The following RAB38 variants were observed in gnomAD, a reference collection of about 807,000 sequenced individuals.
RAB38 encodes RAB38, member RAS oncogene family, also known as ras-related protein Rab-38.
In RAB38, 15 loss-of-function variants were observed where a neutral mutation model predicts 18.4. The ratio of observed to expected loss-of-function variants is 0.82; its 90% CI spans 0.55 to 1.26. The LOEUF (loss-of-function observed/expected upper bound fraction) is 1.26. Ranked by LOEUF, RAB38 falls within the 50% of genes most tolerant of loss-of-function variation. The pLI is 0.00. For missense variants in RAB38, 294 were observed against 267.4 expected (o/e 1.10, Z -0.69); for synonymous variants, 101 against 104.4 (o/e 0.97, Z 0.20).
chr11:88,058,224 C>T, the RAB38 span, among the ~76,000 whole-genome samples: 1,035 of 152,144 alleles, frequency 6.8e-3, 4 homozygotes, highest in Middle Eastern at 0.017. Context: ...ATACATATGA[C>T]CCACAACAAA....
chr11:87,912,762 CTTTCT>C, the RAB38 span, among the ~76,000 whole-genome samples: 1 of 86,566 alleles, frequency 1.2e-5, no homozygotes, highest in Non-Finnish European at 2.3e-5. Flanking sequence ...AATTTTCTTT[CTTTCT>C]TTTTTTTTTT....
At chr11:88,100,382 G>A in the RAB38 span, among the ~76,000 whole-genome samples, 1 of 151,952 alleles carries the variant, frequency 6.6e-6, no homozygotes, top group Non-Finnish European at 1.5e-5. Flanking sequence ...AAAAGAGGGA[G>A]TGGTGAGATT....
chr11:87,937,870 G>GTTTTTTTTTTTTTTTTTT, the RAB38 span, among the ~76,000 whole-genome samples: 7 of 92,026 alleles, frequency 7.6e-5, no homozygotes, highest in Non-Finnish European at 1.2e-4. Flanking sequence ...TCATTGAAGT[G>GTTTTTTTTTTTTTTTTTT]TTTTTTTTTT....
the RAB38 span, among the ~76,000 whole-genome samples, chr11:88,015,246 A>G: frequency 1.2e-4 from 19 of 152,158 alleles, no homozygotes; most frequent in Non-Finnish European, 2.5e-4. Context: ...TTTCTCTTCT[A>G]TGGTTCTCAA....
chr11:88,087,109 G>A, the RAB38 span, among the ~76,000 whole-genome samples: 1 of 151,810 alleles, frequency 6.6e-6, no homozygotes, highest in South Asian at 2.1e-4. Context: ...CCACTGAAAG[G>A]CATTATACAA....
the RAB38 span, among the ~76,000 whole-genome samples, chr11:88,082,740 C>A: frequency 6.6e-6 from 1 of 151,972 alleles, no homozygotes; most frequent in East Asian, 1.9e-4. Flanking sequence ...ATCTAAGATT[C>A]CAGCATCACT....
the RAB38 span, among the ~76,000 whole-genome samples, chr11:88,075,625 TATC>T: frequency 1.3e-5 from 2 of 152,138 alleles, no homozygotes; most frequent in African/African-American, 4.8e-5. Context: ...TCAAGCCTGT[TATC>T]ATAACACTTT....
the RAB38 span, among the ~76,000 whole-genome samples, chr11:87,937,228 A>G: frequency 6.8e-6 from 1 of 147,796 alleles, no homozygotes; most frequent in Non-Finnish European, 1.5e-5. Flanking sequence ...GCTCTTCTTT[A>G]GCTTATTAAT....
chr11:87,952,351 C>CTAAAGGTTACACTGTTTTCAAGTGAA, the RAB38 span, among the ~76,000 whole-genome samples: 1 of 152,154 alleles, frequency 6.6e-6, no homozygotes, highest in South Asian at 2.1e-4. Flanking sequence ...TCTCTCGAAG[C>CTAAAGGTTACACTGTTTTCAAGTGAA]TAAAGGTTAC....
rs1038799050 is a variant in RAB38, at chr11:88,124,369, A to C, written c.484-10229T>G. Among the ~76,000 whole-genome samples, 4 of 152,138 alleles carry C rather than the reference A, an allele frequency of 2.6e-5. No individual in the cohort carries two copies. The East Asian group carries it at 7.7e-4, about 29-fold the overall frequency. ...GAATGGGAGAAAATTTTTGCAATCTACTCTTCTGACAAAAGGCTAATATCC... is the reference window on the plus strand; with the variant it reads ...GAATGGGAGAAAATTTTTGCAATCTCCTCTTCTGACAAAAGGCTAATATCC... On this transcript the variant is annotated intron_variant, in intron 2 of 2. Coordinates refer to ENST00000243662, the MANE Select transcript of RAB38 (RefSeq NM_022337.3).
the RAB38 span, among the ~76,000 whole-genome samples, chr11:88,024,693 T>TA: frequency 3.9e-5 from 6 of 152,254 alleles, no homozygotes; most frequent in African/African-American, 1.4e-4. Context: ...TATTCAGCTA[T>TA]AAAAAAGAAT....
chr11:87,890,613 T>G, the RAB38 span, among the ~76,000 whole-genome samples: 10 of 151,744 alleles, frequency 6.6e-5, no homozygotes, highest in Non-Finnish European at 1.0e-4. Flanking sequence ...TTTTTCCCAA[T>G]TTCATCTCTC....
the RAB38 span, among the ~76,000 whole-genome samples, chr11:87,940,639 A>G: frequency 2.8e-4 from 42 of 152,036 alleles, no homozygotes; most frequent in South Asian, 2.7e-3. Context: ...TGACAGAGAG[A>G]GAGAGAAAGA....
At chr11:88,035,392 T>A in the RAB38 span, among the ~76,000 whole-genome samples, 2 of 152,174 alleles carry the variant, frequency 1.3e-5, no homozygotes, top group African/African-American at 4.8e-5. Context: ...AATACCAAAA[T>A]CTGTATTAGT....
rs373716873 is a variant in RAB38, at chr11:88,155,479, G to A, written c.203-5524C>T. Among the ~76,000 whole-genome samples, 294 of 151,366 alleles carry A rather than the reference G, an allele frequency of 1.9e-3. 15 individuals are homozygous for A. The South Asian group carries it at 0.06, about 31-fold the overall frequency. On this transcript the variant is annotated intron_variant, in intron 1 of 2. Coordinates refer to ENST00000243662, the MANE Select transcript of RAB38 (RefSeq NM_022337.3). ...CCCCATGGAGCAGGGCAAAGGAAAA[G>A]GAAAAAGGAAAGAAAAAAATAGCAA...
At chr11:87,877,083 G>A in the RAB38 span, among the ~76,000 whole-genome samples, 2 of 151,456 alleles carry the variant, frequency 1.3e-5, no homozygotes, top group Admixed American at 6.6e-5. Flanking sequence ...GTATAAACAG[G>A]ACAGATAGGT....
chr11:88,054,428 G>T, the RAB38 span, among the ~76,000 whole-genome samples: 1 of 152,158 alleles, frequency 6.6e-6, no homozygotes, highest in East Asian at 1.9e-4. Context: ...AAGTAACTTG[G>T]AGTATTAGTT....
chr11:87,977,518 T>C, the RAB38 span, among the ~76,000 whole-genome samples: 1 of 102,532 alleles, frequency 9.8e-6, no homozygotes, highest in African/African-American at 3.9e-5. Context: ...TATGTAATTA[T>C]ATAGATAATA....
At chr11:87,967,926 C>T in the RAB38 span, among the ~76,000 whole-genome samples, 10 of 152,084 alleles carry the variant, frequency 6.6e-5, no homozygotes, top group Non-Finnish European at 1.2e-4. Flanking sequence ...GTGTATGGGA[C>T]ACTAACAGTC....
Sources: allele counts gnomAD v4.1 joint callset (sites outside exome capture counted in the v4.1 genomes callset), GRCh38; gene constraint gnomAD v4.1.1; transcripts MANE v1.5; gene names NCBI Gene and HGNC (gene_info 2026-07-23, HGNC 2026-07-21).